GFY: variants seen among roughly 807,000 people sequenced by gnomAD.
GFY encodes Golgi-associated olfactory signaling regulator.
In GFY, 28 loss-of-function variants were observed where a neutral mutation model predicts 29.1. The observed-to-expected ratio is 0.96, with a 90% CI of 0.71 to 1.32. The LOEUF is 1.32. Ranked by LOEUF, GFY falls within the 40% of genes most tolerant of loss-of-function variation. The pLI is 0.00. For synonymous variants in GFY, 277 were observed against 274.5 expected, an observed-to-expected ratio of 1.01 and a Z score of -0.09; for missense variants, 656 against 661.9, an observed-to-expected ratio of 0.99 and a Z score of 0.10.
chr19:49,428,487 G>T, intron 3 of GFY, 132 bp from the exon 4 acceptor site: 1 of 691,120 alleles, frequency 1.4e-6, no homozygotes, highest in Middle Eastern at 2.8e-4. Flanking sequence ...TGAAAACTCA[G>T]TTCAAATGCA....
In GFY at chr19:49,428,125, C is replaced by CAGG. The variant is rs1261557555; in HGVS notation, c.1357+6_1357+7insAGG. 4 of 1,527,132 alleles carry CAGG rather than the reference C, an allele frequency of 2.6e-6. No individual in the cohort carries two copies. Among genetic ancestry groups the CAGG allele is most frequent in the Non-Finnish European group, 3.5e-6 (4 of 1,139,486 alleles). The allele number at this position is 1,527,132 out of a possible 1,614,324, so 94.6% of individuals were successfully genotyped here. On this transcript the variant is annotated splice_region_variant and intron_variant, in intron 3 of 3. Coordinates refer to ENST00000610896, the MANE Select transcript of GFY (RefSeq NM_001195256.2). The stretch of plus-strand genomic sequence containing the variant: ...GGACGACGGAGATGAACCGGGTGAG[C>CAGG]GCCCTGCCCCTTGAATGCCTGCACT...
upstream of GFY, among the ~76,000 whole-genome samples, chr19:49,425,024 T>C (rs1215286179): frequency 6.6e-6 from 1 of 151,386 alleles, no homozygotes; most frequent in Non-Finnish European, 1.5e-5. Flanking sequence ...CCCAGATTCC[T>C]ATGTTCTGGG....
rs1174386910 is a variant in GFY at position 49,426,931 on chromosome 19, G to A, written c.501G>A (p.Glu167=). ...AAACTTCACGCCCAGAATTTCCTGA[G>A]ACCCCAAACACTGACCTTATGCAAA... The part of the protein sequence containing the change: ...FSKTSRPEFP[E]TPNTDLMQTT... The change falls in exon 2 of 4, where the codon GAG becomes GAA. Residue 167 remains glutamate, a synonymous_variant. Coordinates refer to ENST00000610896, the MANE Select transcript of GFY (RefSeq NM_001195256.2). 6 of 1,535,312 alleles carry A rather than the reference G, an allele frequency of 3.9e-6. No homozygotes were observed. Among genetic ancestry groups the A allele is most frequent in the Non-Finnish European group, 5.2e-6 (6 of 1,146,770 alleles).
Position 49,428,019 on chromosome 19 carries a change from G to A in GFY, c.1257G>A (p.Leu419=). ...GCCTGTTCTTCGCGGGGACCGCGCT[G>A]CTGATCGGCATCTTTGTGCTGCTGT... ...ALCLFFAGTA[L]LIGIFVLLWC... Residue 419 remains leucine, a synonymous_variant, in exon 3 of 4, where the codon CTG becomes CTA. Coordinates refer to ENST00000610896, the MANE Select transcript of GFY (RefSeq NM_001195256.2). 6.5e-7 allele frequency: 1 copy of A among 1,536,032 alleles called. No homozygotes were observed. The highest frequency in any genetic ancestry group is 8.7e-7 in the Non-Finnish European group (1 of 1,146,778).
In GFY at chr19:49,427,105, A is replaced by G. The variant is rs2122281354; in HGVS notation, c.675A>G (p.Pro225=). 6.5e-7 allele frequency: 1 copy of G among 1,535,100 alleles called. No individual in the cohort carries two copies. Among genetic ancestry groups the G allele is most frequent in the East Asian group, 2.4e-5 (1 of 40,848 alleles). The change falls in exon 2 of 4, where the codon CCA becomes CCG. Residue 225 remains proline (P), a synonymous_variant. Transcript: ENST00000610896. ...ATGACCTCAACTCCACTGAGACCCC[A>G]AACTCTGAATTTCTCCAAGCTCTCC... ...EKHDLNSTET[P]NSEFLQALHP... is the part of the protein sequence containing the mutation.
At chr19:49,428,509 C>A in intron 3 of GFY, 110 bp from the exon 4 acceptor site, 1 of 809,228 alleles carries the variant, frequency 1.2e-6, no homozygotes, top group Non-Finnish European at 1.8e-6. Context: ...AATCGGAATC[C>A]TCTCTCCGGC....
chr19:49,428,794 C>T lies in GFY; in HGVS notation c.1533C>T (p.Ala511=). The change falls in exon 4 of 4, where the codon GCC becomes GCT. Residue 511 remains alanine (A), a synonymous_variant. Coordinates refer to ENST00000610896, the MANE Select transcript of GFY (RefSeq NM_001195256.2). The part of the protein sequence containing the change: ...RPQRLEALSP[A]TLPNNFV The stretch of plus-strand genomic sequence containing the variant: ...AGCGTCTGGAGGCCCTGTCCCCCGC[C>T]ACGCTCCCCAACAACTTCGTGTGAG... The T allele has an allele frequency of 6.8e-7, 1 of 1,471,002 alleles. No homozygotes were observed. The allele number at this position is 1,471,002 out of a possible 1,614,324, so 91.1% of individuals were successfully genotyped here.
Position 49,427,630 on chromosome 19 carries a change from G to A in GFY, c.1183+17G>A, listed in dbSNP as rs1220126110. ...AGGAGACCGGTGAGGGGCAGGAGCCGGACTCCTGAGTCTGAGGGAGGGGCT... is the reference window on the plus strand; with the variant it reads ...AGGAGACCGGTGAGGGGCAGGAGCCAGACTCCTGAGTCTGAGGGAGGGGCT... On this transcript the variant is annotated intron_variant, in intron 2 of 3. Transcript: ENST00000610896. 2.0e-5 allele frequency: 28 copies of A among 1,399,588 alleles called. No homozygotes were observed. The highest frequency in any genetic ancestry group is 1.6e-5 in the African/African-American group (1 of 64,444). 86.7% of individuals were successfully genotyped at this position (1,399,588 alleles called of 1,614,324 possible).
chr19:49,426,798 C>G lies in GFY; in HGVS notation c.368C>G (p.Thr123Ser). The change falls in exon 2 of 4, where the codon ACT (threonine) becomes AGT (serine). Residue 123 changes from threonine (T) to serine (S), a missense_variant. Transcript: ENST00000610896. ...SISESLDMPK[T>S]NLSKMAHPES... is the part of the protein sequence containing the mutation. ...TCAGAATCCCTGGACATGCCCAAAACTAACCTCTCCAAAATGGCACACCCA... is the reference window on the plus strand; with the variant it reads ...TCAGAATCCCTGGACATGCCCAAAAGTAACCTCTCCAAAATGGCACACCCA... The G allele has an allele frequency of 6.5e-7, 1 of 1,535,812 alleles. No homozygotes were observed. The highest frequency in any genetic ancestry group is 8.7e-7 in the Non-Finnish European group (1 of 1,146,832).
intron 1 of GFY, among the ~76,000 whole-genome samples, 165 bp from the exon 2 acceptor site, chr19:49,426,245 A>G (rs1171896235): frequency 6.6e-6 from 1 of 152,188 alleles, no homozygotes; most frequent in Non-Finnish European, 1.5e-5. Context: ...TCGCCCCACA[A>G]GCCTCCAAGG....
chr19:49,424,196 T>C (rs181417088), upstream of GFY, among the ~76,000 whole-genome samples: 13 of 152,208 alleles, frequency 8.5e-5, no homozygotes, highest in African/African-American at 2.6e-4. Context: ...TTGGGGGTGC[T>C]GTGAAGATTA....
chr19:49,428,492 A>G (rs1358043154), intron 3 of GFY, 127 bp from the exon 4 acceptor site: 1 of 708,310 alleles, frequency 1.4e-6, no homozygotes. Context: ...ACTCAGTTCA[A>G]ATGCAGAATC....
rs1780979541 is a variant in GFY at position 49,428,950 on chromosome 19, A to G, written c.*132A>G. 1 of 596,968 alleles carries G rather than the reference A, an allele frequency of 1.7e-6. No individual in the cohort carries two copies. Among genetic ancestry groups the G allele is most frequent in the Non-Finnish European group, 2.7e-6 (1 of 375,344 alleles). The allele number at this position is 596,968 out of a possible 1,614,324, so 37.0% of individuals were successfully genotyped here. The stretch of plus-strand genomic sequence containing the variant: ...AGAGATGCTTGCGCTGTGATCAGAG[A>G]ACAAGGTCTGAGACCGAATAAATAT... On this transcript the variant is annotated 3_prime_UTR_variant, in exon 4 of 4. Coordinates refer to ENST00000610896, the MANE Select transcript of GFY (RefSeq NM_001195256.2).
intron 3 of GFY, 73 bp from the exon 4 acceptor site, chr19:49,428,546 C>G: frequency 8.5e-7 from 1 of 1,169,754 alleles, no homozygotes; most frequent in Non-Finnish European, 1.1e-6. Flanking sequence ...CGCACAAAAG[C>G]GGCCCTGGAG....
chr19:49,425,747 A>G (rs889789143), intron 1 of GFY, among the ~76,000 whole-genome samples: 1 of 152,098 alleles, frequency 6.6e-6, no homozygotes, highest in African/African-American at 2.4e-5. Context: ...TTTCTAACTC[A>G]GGAACCAAGA....
chr19:49,427,471 T>G lies in GFY; in HGVS notation c.1041T>G (p.Pro347=). 6.5e-7 allele frequency: 1 copy of G among 1,535,160 alleles called. No homozygotes were observed. The highest frequency in any genetic ancestry group is 1.2e-5 in the South Asian group (1 of 83,930). The change falls in exon 2 of 4, where the codon CCT becomes CCG. Residue 347 remains proline, a synonymous_variant. Transcript: ENST00000610896. The part of the protein sequence containing the change: ...NSGPKESNVP[P]PSARIAGPPA... ...GCCCTAAGGAGTCCAACGTCCCTCCTCCCTCAGCCCGGATTGCAGGTCCCC... is the reference window on the plus strand; with the variant it reads ...GCCCTAAGGAGTCCAACGTCCCTCCGCCCTCAGCCCGGATTGCAGGTCCCC...
chr19:49,427,339 C>T lies in GFY; in HGVS notation c.909C>T (p.Ser303=), dbSNP rs1486630944. The change falls in exon 2 of 4, where the codon TCC becomes TCT. Residue 303 remains serine, a synonymous_variant. Coordinates refer to ENST00000610896, the MANE Select transcript of GFY (RefSeq NM_001195256.2). ...ACGCCACTGCTCTAAATGAGCTGTCCCTGAATCCCAAACCAGGAACACCTG... is the reference window on the plus strand; with the variant it reads ...ACGCCACTGCTCTAAATGAGCTGTCTCTGAATCCCAAACCAGGAACACCTG... ...KDDATALNEL[S]LNPKPGTPAA... 25 of 1,536,192 alleles carry T rather than the reference C, an allele frequency of 1.6e-5. No individual in the cohort carries two copies. Among genetic ancestry groups the T allele is most frequent in the Non-Finnish European group, 2.1e-5 (24 of 1,146,908 alleles).
At chr19:49,426,345 CGG>C (rs1290748535) in intron 1 of GFY, 63 bp from the exon 2 acceptor site, 1 of 1,444,532 alleles carries the variant, frequency 6.9e-7, no homozygotes. Context: ...GCGTGGCCTC[CGG>C]GAGTGGGCGG....
At position 49,428,745 on chromosome 19, in the gene GFY, C is replaced by T. The variant is rs1568632479; in HGVS notation, c.1484C>T (p.Pro495Leu). Residue 495 changes from proline (P) to leucine (L), a missense_variant, in exon 4 of 4, where the codon CCG (proline) becomes CTG (leucine). Coordinates refer to ENST00000610896, the MANE Select transcript of GFY (RefSeq NM_001195256.2). ...CCTCCTCTGCCACCAAAGCTGCCCC[C>T]GCCGCCCCGCGGGGGTCGCCCGCAG... ...PTPPLPPKLPPPPRGGRPQRL... is the reference protein window; with the variant it reads ...PTPPLPPKLPLPPRGGRPQRL... 5 of 1,518,518 alleles carry T rather than the reference C, an allele frequency of 3.3e-6. No individual in the cohort carries two copies. The African/African-American group carries it at 4.2e-5, about 13-fold the overall frequency. 94.1% of individuals were successfully genotyped at this position (1,518,518 alleles called of 1,614,324 possible).
Sources: allele counts gnomAD v4.1 joint callset (sites outside exome capture counted in the v4.1 genomes callset), GRCh38; gene constraint gnomAD v4.1.1; transcripts MANE v1.5; gene names NCBI Gene and HGNC (gene_info 2026-07-23, HGNC 2026-07-21).